The following TNRC18 variants were observed in gnomAD, a reference collection of about 807,000 sequenced individuals.
TNRC18 encodes the protein trinucleotide repeat containing 18, also known as trinucleotide repeat-containing gene 18 protein.
In TNRC18, 69 loss-of-function variants were observed where a neutral mutation model predicts 226.7. That is an observed-to-expected ratio of 0.30 (90% CI 0.25 to 0.37). The LOEUF is 0.37. Among genes scored for constraint, TNRC18 ranks in the 10% least tolerant of loss-of-function variants. The probability of loss-of-function intolerance (pLI) is 1.00; values close to 1 mark genes in which losing one functional copy is unlikely to be tolerated. For missense variants in TNRC18, 4,754 were observed against 4,256.6 expected (o/e 1.12, Z -3.25); for synonymous variants, 2,449 against 1,927.6 (o/e 1.27, Z -7.09).
rs377015760 is a variant in TNRC18 at position 5,376,202 on chromosome 7, G to C, written c.2631C>G (p.Thr877=). ...PHFAELMERA[T]VPPLWPALYP... ...ACAGGGCGGGCCAGAGGGGCGGTACGGTGGCCCGCTCCATCAGCTCCGCTG... is the reference window on the plus strand; with the variant it reads ...ACAGGGCGGGCCAGAGGGGCGGTACCGTGGCCCGCTCCATCAGCTCCGCTG... The change falls in exon 9 of 30, where the codon ACC becomes ACG. Residue 877 remains threonine (T), a synonymous_variant. Coordinates refer to ENST00000430969, the MANE Select transcript of TNRC18 (RefSeq NM_001080495.3). 5 of 1,518,870 alleles carry C rather than the reference G, an allele frequency of 3.3e-6. No homozygotes were observed. Among genetic ancestry groups the C allele is most frequent in the Non-Finnish European group, 3.5e-6 (4 of 1,136,390 alleles). The allele number at this position is 1,518,870 out of a possible 1,614,324, so 94.1% of individuals were successfully genotyped here.
intron 27 of TNRC18, among the ~76,000 whole-genome samples, chr7:5,311,819 TA>T (rs11366632): frequency 0.3 from 42,448 of 140,064 alleles, 6,864 homozygotes; most frequent in African/African-American, 0.47. Flanking sequence ...TCCTGTCTCT[TA>T]AAAAAAAAAA....
At chr7:5,339,176 T>C (rs1015795242) in intron 18 of TNRC18, among the ~76,000 whole-genome samples, 6 of 151,474 alleles carry the variant, frequency 4.0e-5, no homozygotes, top group East Asian at 1.9e-4. Context: ...ACAGTGCCCA[T>C]ATAAGATGGG....
chr7:5,345,517 G>GGCCCCCCCCCCCCCCCC lies in TNRC18; in HGVS notation c.5719+44_5719+45insGGGGGGGGGGGGGGGGC. On this transcript the variant is annotated intron_variant, in intron 18 of 29. Transcript: ENST00000430969. ...CCTGTGGGATGGGGCAATGGCGTCC[G>GGCCCCCCCCCCCCCCCC]CCCCTCCCACCCACCCCCACCGCAG... 14 of 377,744 alleles carry GGCCCCCCCCCCCCCCCC rather than the reference G, an allele frequency of 3.7e-5. 1 individual carries two copies. Among genetic ancestry groups the GGCCCCCCCCCCCCCCCC allele is most frequent in the South Asian group, 1.3e-4 (3 of 22,822 alleles). 23.4% of individuals were successfully genotyped at this position (377,744 alleles called of 1,614,324 possible).
At position 5,351,922 on chromosome 7, in the gene TNRC18, T is replaced by C. The variant is rs1184593411; in HGVS notation, c.5367A>G (p.Lys1789=). The C allele has an allele frequency of 6.2e-7, 1 of 1,613,458 alleles. No homozygotes were observed. The highest frequency in any genetic ancestry group is 8.5e-7 in the Non-Finnish European group (1 of 1,179,790). ...GCTTCCTGCTGGTGGCCGGCTTGGG[T>C]TTCAGAGTCCGGGGGGCCGCCAGGC... The part of the protein sequence containing the change: ...KRGLAAPRTL[K]PKPATSRKQP... The change falls in exon 17 of 30, where the codon AAA becomes AAG. Residue 1789 remains lysine (K), a synonymous_variant. Transcript: ENST00000430969.
chr7:5,338,600 T>A (rs1198344447), intron 18 of TNRC18, among the ~76,000 whole-genome samples: 1 of 140,206 alleles, frequency 7.1e-6, no homozygotes, highest in Middle Eastern at 3.4e-3. Context: ...CACTCCAGCC[T>A]GGGCAACGCT....
chr7:5,362,856 G>A (rs1225995981), intron 11 of TNRC18, 31 bp from the exon 12 acceptor site: 17 of 1,471,132 alleles, frequency 1.2e-5, no homozygotes, highest in Non-Finnish European at 1.4e-5. Flanking sequence ...ACAGGGCGCT[G>A]CTGCCACCCC....
At chr7:5,316,830 G>T (rs1787898660) in intron 24 of TNRC18, among the ~76,000 whole-genome samples, 1 of 152,290 alleles carries the variant, frequency 6.6e-6, no homozygotes, top group East Asian at 1.9e-4. Flanking sequence ...CGAGGAGGAG[G>T]TGGTTTTCCT....
chr7:5,366,911 G>C (rs946367586), intron 11 of TNRC18, among the ~76,000 whole-genome samples: 2 of 152,206 alleles, frequency 1.3e-5, no homozygotes, highest in Non-Finnish European at 2.9e-5. Flanking sequence ...GGCCAGTGGT[G>C]ATGGGTTCAG....
At chr7:5,345,418 G>C in intron 18 of TNRC18, 144 bp downstream of exon 18, 1 of 810,744 alleles carries the variant, frequency 1.2e-6, no homozygotes, top group South Asian at 1.8e-5. Context: ...TGATCAGCAC[G>C]GGGCTGGCCC....
intron 5 of TNRC18, among the ~76,000 whole-genome samples, chr7:5,387,157 C>T (rs1029500272): frequency 4.6e-5 from 7 of 152,228 alleles, no homozygotes; most frequent in Admixed American, 1.3e-4. Context: ...CACGTAAACT[C>T]TCTACCTACC....
Position 5,335,293 on chromosome 7 carries a change from ATC to A in TNRC18, c.5720-2246_5720-2245del, listed in dbSNP as rs751502464. The stretch of plus-strand genomic sequence containing the variant: ...CTACAGCCTGGGCCACAGAGTGAGA[ATC>A]TGTCTCAAAAAAAAAAAAAAAAAAA... On this transcript the variant is annotated intron_variant, in intron 18 of 29. Transcript: ENST00000430969. 3.5e-3 allele frequency among the ~76,000 whole-genome samples: 260 copies of A among 73,504 alleles called. 1 individual carries two copies. Among genetic ancestry groups the A allele is most frequent in the Non-Finnish European group, 5.8e-3 (224 of 38,310 alleles). The allele number at this position is 73,504 out of a possible 152,430, so 48.2% of individuals were successfully genotyped here.
chr7:5,399,048 C>T (rs572168788), intron 2 of TNRC18, among the ~76,000 whole-genome samples: 1 of 152,350 alleles, frequency 6.6e-6, no homozygotes, highest in Non-Finnish European at 1.5e-5. Context: ...AAGCACAGCC[C>T]ATGCCAGGCC....
chr7:5,335,609 A>AG (rs1267875435), intron 18 of TNRC18, among the ~76,000 whole-genome samples: 1 of 150,064 alleles, frequency 6.7e-6, no homozygotes, highest in Non-Finnish European at 1.5e-5. Context: ...CGTCTAGAAA[A>AG]AAAAAAAAAA....
At chr7:5,370,248 A>C (rs547992801) in intron 11 of TNRC18, 127 bp downstream of exon 11, 1 of 1,138,806 alleles carries the variant, frequency 8.8e-7, no homozygotes, top group African/African-American at 1.6e-5. Flanking sequence ...ACTTGAGCCC[A>C]GGAGTTTGAG....
intron 5 of TNRC18, 128 bp from the exon 6 acceptor site, chr7:5,378,152 A>G: frequency 1.5e-6 from 1 of 664,406 alleles, no homozygotes; most frequent in Non-Finnish European, 2.6e-6. Context: ...CCATCCGTGT[A>G]GTGCCTTCAC....
chr7:5,418,290 T>C (rs1302543684), intron 2 of TNRC18, among the ~76,000 whole-genome samples: 1 of 152,104 alleles, frequency 6.6e-6, no homozygotes, highest in Non-Finnish European at 1.5e-5. Context: ...AATAGGAAAC[T>C]TAAAAACCAC....
chr7:5,320,088 G>A lies in TNRC18; in HGVS notation c.6745+230C>T, dbSNP rs1045386431. ...AAAATACAATCTCCAAGGAGCTAGT[G>A]TGAAGCCAGCACAGATGACAGCACT... On this transcript the variant is annotated intron_variant, in intron 24 of 29. Coordinates refer to ENST00000430969, the MANE Select transcript of TNRC18 (RefSeq NM_001080495.3). 1.9e-5 allele frequency: 10 copies of A among 520,828 alleles called. No individual in the cohort carries two copies. The Admixed American group carries it at 3.2e-4, about 16-fold the overall frequency. The allele number at this position is 520,828 out of a possible 1,614,324, so 32.3% of individuals were successfully genotyped here. A position where few individuals can be genotyped will look rare whatever the true frequency, so the allele number is the denominator to read the frequency against.
chr7:5,374,021 G>C (rs768431760), intron 10 of TNRC18, 34 bp downstream of exon 10: 6 of 1,476,412 alleles, frequency 4.1e-6, no homozygotes, highest in African/African-American at 1.5e-5. Context: ...TCCAGGGGCA[G>C]AGTGAGACCC....
intron 27 of TNRC18, among the ~76,000 whole-genome samples, chr7:5,310,215 T>C (rs1787034988): frequency 6.6e-6 from 1 of 152,010 alleles, no homozygotes; most frequent in South Asian, 2.1e-4. Flanking sequence ...TTTTATCTTT[T>C]AAAAAATAGT....
Sources: allele counts gnomAD v4.1 joint callset (sites outside exome capture counted in the v4.1 genomes callset), GRCh38; gene constraint gnomAD v4.1.1; transcripts MANE v1.5; gene names NCBI Gene and HGNC (gene_info 2026-07-23, HGNC 2026-07-21).